The following CNTN5 variants were observed in gnomAD, a reference collection of about 807,000 sequenced individuals.
CNTN5 encodes contactin-5.
Under a neutral mutation model 129.1 loss-of-function variants are expected in CNTN5, and 77 were observed. That is an observed-to-expected ratio of 0.60 (90% CI 0.50 to 0.72). The LOEUF is 0.72. Among genes scored for constraint, CNTN5 ranks in the 30% least tolerant of loss-of-function variants. CNTN5 has a pLI of 0.00. For missense variants in CNTN5, 1,478 were observed against 1,328.8 expected (o/e 1.11, Z -1.75); for synonymous variants, 509 against 465.6 (o/e 1.09, Z -1.20).
At chr11:100,273,479 C>G (rs184796127) in intron 18 of CNTN5, among the ~76,000 whole-genome samples, 4 of 152,122 alleles carry the variant, frequency 2.6e-5, no homozygotes, top group Admixed American at 2.6e-4. Flanking sequence ...CCTGTCCCAA[C>G]AAGTACCCCA....
intron 3 of CNTN5, among the ~76,000 whole-genome samples, chr11:99,653,361 C>A (rs982879776): frequency 2.0e-5 from 3 of 151,888 alleles, no homozygotes; most frequent in Admixed American, 1.3e-4. Flanking sequence ...GCTCTTGGGG[C>A]AAAACCTGTT....
chr11:99,651,765 T>C (rs1367999916), intron 3 of CNTN5, among the ~76,000 whole-genome samples: 2 of 152,042 alleles, frequency 1.3e-5, no homozygotes, highest in African/African-American at 2.4e-5. Context: ...GTAAACTTTC[T>C]TTAACATGAA....
chr11:99,447,789 G>A (rs1043302267), intron 2 of CNTN5, among the ~76,000 whole-genome samples: 16 of 152,126 alleles, frequency 1.1e-4, no homozygotes, highest in African/African-American at 3.6e-4. Flanking sequence ...GCTGGGTGTC[G>A]TGGTGGGTTC....
chr11:99,712,718 CTATT>C (rs549601421), intron 3 of CNTN5, among the ~76,000 whole-genome samples: 96 of 152,140 alleles, frequency 6.3e-4, no homozygotes, highest in Non-Finnish European at 1.2e-3. Flanking sequence ...TTCCCCAATA[CTATT>C]TATTAAATAG....
intron 8 of CNTN5, among the ~76,000 whole-genome samples, chr11:99,964,180 A>G (rs1435556079): frequency 1.3e-5 from 2 of 152,188 alleles, no homozygotes; most frequent in Admixed American, 6.5e-5. Flanking sequence ...TGCCCTGGCC[A>G]GAACTTCCAA....
At chr11:100,321,291 A>AT (rs35937617) in intron 21 of CNTN5, among the ~76,000 whole-genome samples, 35,137 of 134,440 alleles carry the variant, frequency 0.26, 5,199 homozygotes, top group East Asian at 0.52. Flanking sequence ...ATTCCTAAGT[A>AT]TTTTTTTTTT....
At chr11:99,380,528 G>C (rs573195925) in intron 2 of CNTN5, among the ~76,000 whole-genome samples, 1 of 152,156 alleles carries the variant, frequency 6.6e-6, no homozygotes, top group East Asian at 1.9e-4. Flanking sequence ...CCAGCACTTC[G>C]GGAGGCTGAG....
chr11:100,128,977 C>A (rs1035066188), intron 13 of CNTN5, among the ~76,000 whole-genome samples: 1 of 152,056 alleles, frequency 6.6e-6, no homozygotes, highest in Non-Finnish European at 1.5e-5. Flanking sequence ...TATTTCAGAT[C>A]ATTAATATTT....
chr11:99,639,558 T>TG (rs775847789), intron 3 of CNTN5, among the ~76,000 whole-genome samples: 1 of 107,676 alleles, frequency 9.3e-6, no homozygotes, highest in Non-Finnish European at 1.9e-5. Context: ...GTCACCTTTA[T>TG]GTTTTTTTTT....
At chr11:99,034,090 C>G (rs947191953) in intron 1 of CNTN5, among the ~76,000 whole-genome samples, 3 of 152,044 alleles carry the variant, frequency 2.0e-5, no homozygotes, top group African/African-American at 7.2e-5. Flanking sequence ...TGTATATATT[C>G]AACCAGCCTT....
At chr11:99,397,104 G>A (rs993673210) in intron 2 of CNTN5, among the ~76,000 whole-genome samples, 5 of 151,732 alleles carry the variant, frequency 3.3e-5, no homozygotes, top group South Asian at 2.1e-4. Context: ...AGGTTGTGAC[G>A]GTTCCTCCAT....
intron 13 of CNTN5, 177 bp downstream of exon 13, chr11:100,074,471 A>C (rs1591186148): frequency 3.6e-6 from 2 of 556,344 alleles, no homozygotes; most frequent in East Asian, 6.3e-5. Context: ...TGACTTCAAA[A>C]TGGTCAGTCT....
intron 8 of CNTN5, among the ~76,000 whole-genome samples, chr11:99,999,119 C>T (rs1049128798): frequency 1.3e-5 from 2 of 151,806 alleles, no homozygotes; most frequent in African/African-American, 4.8e-5. Context: ...GTCTAAAACA[C>T]CAAAAGCAAT....
intron 2 of CNTN5, among the ~76,000 whole-genome samples, chr11:99,524,641 A>G (rs942233695): frequency 2.0e-5 from 3 of 151,968 alleles, no homozygotes; most frequent in Non-Finnish European, 1.5e-5. Flanking sequence ...GTGAAAACCC[A>G]TCTCTACTAA....
At chr11:99,565,047 A>G (rs899333959) in intron 3 of CNTN5, among the ~76,000 whole-genome samples, 6 of 152,232 alleles carry the variant, frequency 3.9e-5, no homozygotes, top group African/African-American at 1.4e-4. Context: ...AATAATATTT[A>G]GTACAAATAG....
chr11:100,110,823 T>A lies in CNTN5; in HGVS notation c.1580+36529T>A, dbSNP rs117872646. 7.7e-3 allele frequency among the ~76,000 whole-genome samples: 1,166 copies of A among 152,276 alleles called. 9 individuals are homozygous for A. The highest frequency in any genetic ancestry group is 8.4e-3 in the Non-Finnish European group (572 of 68,018). The stretch of plus-strand genomic sequence containing the variant: ...ACAACAGTGAAATGTGGGATTGATG[T>A]CACTTCAGCCTGGGATGGTTTATTT... On this transcript the variant is annotated intron_variant, in intron 13 of 24. Coordinates refer to ENST00000524871, the MANE Select transcript of CNTN5 (RefSeq NM_014361.4).
chr11:100,350,640 G>A, intron 23 of CNTN5, 62 bp from the exon 24 acceptor site: 1 of 1,224,968 alleles, frequency 8.2e-7, no homozygotes, highest in Non-Finnish European at 1.2e-6. Flanking sequence ...ACACATAGTA[G>A]GCAGTCAATG....
At chr11:100,160,370 G>T (rs915121111) in intron 13 of CNTN5, among the ~76,000 whole-genome samples, 10 of 151,880 alleles carry the variant, frequency 6.6e-5, no homozygotes, top group Admixed American at 1.3e-4. Context: ...GAATAGTGCT[G>T]CAATAAACAT....
intron 15 of CNTN5, among the ~76,000 whole-genome samples, chr11:100,223,048 T>C (rs1949298147): frequency 6.6e-6 from 1 of 152,200 alleles, no homozygotes; most frequent in Non-Finnish European, 1.5e-5. Flanking sequence ...TTGAGAGAAG[T>C]AAGCACTTAG....
Sources: allele counts gnomAD v4.1 joint callset (sites outside exome capture counted in the v4.1 genomes callset), GRCh38; gene constraint gnomAD v4.1.1; transcripts MANE v1.5; gene names NCBI Gene and HGNC (gene_info 2026-07-23, HGNC 2026-07-21).